Variants in OPCML observed in about 807,000 individuals in gnomAD.
The protein encoded by OPCML is opioid-binding protein/cell adhesion molecule.
A neutral mutation model predicts 37.8 loss-of-function variants in OPCML; 13 were observed. That is an observed-to-expected ratio of 0.34 (90% CI 0.22 to 0.55). The LOEUF is 0.55. Among genes scored for constraint, OPCML ranks in the 20% least tolerant of loss-of-function variants. The pLI is 0.91. For synonymous variants in OPCML, 176 were observed against 168.8 expected, an observed-to-expected ratio of 1.04 and a Z score of -0.33; for missense variants, 341 against 435.6, an observed-to-expected ratio of 0.78 and a Z score of 1.93.
chr11:132,579,370 G>A (rs1243137339), intron 3 of OPCML, among the ~76,000 whole-genome samples: 2 of 146,848 alleles, frequency 1.4e-5, no homozygotes, highest in Non-Finnish European at 3.0e-5. Flanking sequence ...AGGAGACAGG[G>A]AAGTTAGAAT....
chr11:133,045,780 G>T (rs1947999357), intron 1 of OPCML, among the ~76,000 whole-genome samples: 1 of 152,212 alleles, frequency 6.6e-6, no homozygotes, highest in Admixed American at 6.5e-5. Flanking sequence ...TGAGAGATGT[G>T]TGCAAGACTG....
At chr11:132,861,914 T>C (rs1942322380) in intron 2 of OPCML, among the ~76,000 whole-genome samples, 1 of 151,878 alleles carries the variant, frequency 6.6e-6, no homozygotes, top group Admixed American at 6.6e-5. Context: ...AGTATGAAAA[T>C]AAGTTTACTC....
intron 1 of OPCML, among the ~76,000 whole-genome samples, chr11:133,112,709 G>A (rs1038919989): frequency 1.3e-5 from 2 of 152,140 alleles, no homozygotes; most frequent in African/African-American, 2.4e-5. Context: ...GAACAGCTTC[G>A]TCTTTCTCTC....
At chr11:132,492,820 G>A (rs144403575) in intron 4 of OPCML, among the ~76,000 whole-genome samples, 26 of 152,190 alleles carry the variant, frequency 1.7e-4, no homozygotes, top group African/African-American at 5.8e-4. Flanking sequence ...CCAGAAGAGT[G>A]CCTGGTGCAC....
intron 1 of OPCML, among the ~76,000 whole-genome samples, chr11:132,990,239 T>C (rs768483860): frequency 1.1e-4 from 16 of 152,126 alleles, no homozygotes; most frequent in Non-Finnish European, 1.9e-4. Flanking sequence ...GTGCACCGAG[T>C]CCTTTGTGTG....
At chr11:132,704,894 G>A (rs1793288) in intron 2 of OPCML, among the ~76,000 whole-genome samples, 13,344 of 152,148 alleles carry the variant, frequency 0.088, 690 homozygotes, top group Non-Finnish European at 0.11. Flanking sequence ...AGTAAAACAT[G>A]GTTACAAAAC....
intron 3 of OPCML, among the ~76,000 whole-genome samples, chr11:132,574,498 T>TA (rs573740797): frequency 5.5e-4 from 84 of 152,022 alleles, no homozygotes; most frequent in African/African-American, 1.8e-3. Flanking sequence ...CATAATTTTT[T>TA]AAAAAATTCT....
chr11:133,397,960 T>C (rs1433274480), intron 1 of OPCML, among the ~76,000 whole-genome samples: 5 of 152,208 alleles, frequency 3.3e-5, no homozygotes, highest in African/African-American at 1.2e-4. Context: ...TAATATGGCA[T>C]GTTTTCTGAA....
intron 2 of OPCML, among the ~76,000 whole-genome samples, chr11:132,832,505 T>G (rs902565615): frequency 1.3e-5 from 2 of 152,196 alleles, no homozygotes; most frequent in Non-Finnish European, 2.9e-5. Context: ...GCAACTTACA[T>G]GCACACACAT....
intron 7 of OPCML, among the ~76,000 whole-genome samples, chr11:132,432,480 A>C (rs2096000509): frequency 6.6e-6 from 1 of 152,198 alleles, no homozygotes; most frequent in South Asian, 2.1e-4. Context: ...TCACTGATTA[A>C]AAATATAAAA....
intron 1 of OPCML, among the ~76,000 whole-genome samples, chr11:133,127,614 CAGAG>C (rs1304463933): frequency 3.4e-5 from 5 of 149,100 alleles, no homozygotes; most frequent in Admixed American, 6.7e-5. Context: ...GCCTGGGTGA[CAGAG>C]AGAGGCTCTG....
chr11:132,536,437 A>C (rs1211959744), intron 3 of OPCML, among the ~76,000 whole-genome samples: 3 of 152,204 alleles, frequency 2.0e-5, no homozygotes, highest in Non-Finnish European at 4.4e-5. Context: ...AATGGGCATA[A>C]AAATATTTGC....
intron 1 of OPCML, among the ~76,000 whole-genome samples, chr11:132,951,208 T>C (rs976054208): frequency 2.0e-5 from 3 of 152,186 alleles, no homozygotes; most frequent in Admixed American, 2.0e-4. Flanking sequence ...TACTTGTGAG[T>C]GTATGTCTCA....
intron 2 of OPCML, among the ~76,000 whole-genome samples, chr11:132,756,424 T>A (rs1203717461): frequency 1.2e-4 from 19 of 152,202 alleles, no homozygotes; most frequent in Non-Finnish European, 7.3e-5. Context: ...ATGTAAATTA[T>A]CAGGCGTACA....
intron 1 of OPCML, among the ~76,000 whole-genome samples, chr11:133,325,218 A>T (rs903008610): frequency 1.3e-5 from 2 of 152,244 alleles, no homozygotes; most frequent in African/African-American, 4.8e-5. Flanking sequence ...GACGTGCTGT[A>T]TTCTGATAGC....
intron 2 of OPCML, among the ~76,000 whole-genome samples, chr11:132,788,745 A>C (rs2136172418): frequency 6.6e-6 from 1 of 152,232 alleles, no homozygotes; most frequent in South Asian, 2.1e-4. Context: ...AAAAACACAA[A>C]CCGTTTGAGT....
intron 1 of OPCML, among the ~76,000 whole-genome samples, chr11:133,289,574 G>T (rs866027998): frequency 3.2e-5 from 4 of 126,208 alleles, no homozygotes; most frequent in African/African-American, 6.2e-5. Context: ...CAGCCTGGGC[G>T]ACAGAGCGAG....
intron 2 of OPCML, among the ~76,000 whole-genome samples, chr11:132,847,062 T>C (rs901774922): frequency 4.6e-5 from 7 of 152,212 alleles, no homozygotes; most frequent in African/African-American, 1.7e-4. Flanking sequence ...ATAGATAATA[T>C]GATACATCTT....
At chr11:132,704,825 A>G (rs1484440065) in intron 2 of OPCML, among the ~76,000 whole-genome samples, 1 of 152,238 alleles carries the variant, frequency 6.6e-6, no homozygotes, top group African/African-American at 2.4e-5. Flanking sequence ...CAAAGCTGTA[A>G]TGTAAATGCT....
Sources: allele counts gnomAD v4.1 joint callset (sites outside exome capture counted in the v4.1 genomes callset), GRCh38; gene constraint gnomAD v4.1.1; transcripts MANE v1.5; gene names NCBI Gene and HGNC (gene_info 2026-07-23, HGNC 2026-07-21).